Variants in SLCO3A1 observed in about 807,000 individuals in gnomAD.
SLCO3A1 encodes PGE1 transporter.
In SLCO3A1, 27 loss-of-function variants were observed where a neutral mutation model predicts 63.1. That is an observed-to-expected ratio of 0.43 (90% confidence interval 0.32 to 0.59). The LOEUF (loss-of-function observed/expected upper bound fraction) is 0.59. Among genes scored for constraint, SLCO3A1 ranks in the 20% least tolerant of loss-of-function variants. SLCO3A1 has a pLI of 0.09. For missense variants in SLCO3A1, 773 were observed against 945.8 expected (o/e 0.82, Z 2.40); for synonymous variants, 473 against 409.9 (o/e 1.15, Z -1.86).
intron 7 of SLCO3A1, among the ~76,000 whole-genome samples, chr15:92,143,228 CTT>C (rs958236072): frequency 2.8e-5 from 4 of 144,338 alleles, no homozygotes; most frequent in Non-Finnish European, 6.0e-5. Context: ...AGTCCCAAAT[CTT>C]TTTCCTCACA....
chr15:92,014,269 C>T (rs992637498), intron 2 of SLCO3A1, among the ~76,000 whole-genome samples: 10 of 152,106 alleles, frequency 6.6e-5, no homozygotes, highest in African/African-American at 1.4e-4. Flanking sequence ...GGACCACCTG[C>T]GGCTCTTTTA....
chr15:92,139,588 T>C (rs1472443627), intron 7 of SLCO3A1, among the ~76,000 whole-genome samples: 1 of 152,146 alleles, frequency 6.6e-6, no homozygotes, highest in Non-Finnish European at 1.5e-5. Context: ...AGAATTCGGC[T>C]GTGAATCCAT....
chr15:92,163,799 G>GTAAT lies in SLCO3A1; in HGVS notation c.*666_*669dup. ...TAATGGGTGATCCGTGCTGGAGTTT[G>GTAAT]TAATTGGCACCTCTCACCAGCTCCA... is the stretch of plus-strand genomic sequence containing the variant. On this transcript the variant is annotated 3_prime_UTR_variant, in exon 10 of 10. Transcript: ENST00000318445. 1 of 985,478 alleles carries GTAAT rather than the reference G, an allele frequency of 1.0e-6. No individual in the cohort carries two copies. The highest frequency in any genetic ancestry group is 1.2e-6 in the Non-Finnish European group (1 of 830,008). 61.0% of individuals were successfully genotyped at this position (985,478 alleles called of 1,614,324 possible).
chr15:91,916,076 G>C lies in SLCO3A1; in HGVS notation c.264G>C (p.Gly88=), dbSNP rs1388421839. ...TGATCGCTAGCAGCTTCGAGATCGG[G>C]AACCTGGCGCTCATCCTCTTCGTGA... ...VGVIASSFEI[G]NLALILFVSY... Residue 88 remains glycine, a synonymous_variant, in exon 2 of 10, where the codon GGG becomes GGC. Transcript: ENST00000318445. The surrounding 1 kb of genome is among the most constrained non-coding windows in gnomAD (Gnocchi z 6.2). 6.2e-7 allele frequency: 1 copy of C among 1,613,030 alleles called. No homozygotes were observed. Among genetic ancestry groups the C allele is most frequent in the Non-Finnish European group, 8.5e-7 (1 of 1,179,988 alleles).
intron 2 of SLCO3A1, among the ~76,000 whole-genome samples, chr15:92,032,824 T>G (rs12441614): frequency 0.18 from 26,743 of 151,128 alleles, 2,527 homozygotes; most frequent in African/African-American, 0.24. Flanking sequence ...GGAGCATGGT[T>G]GGATTGCCCT....
At chr15:92,077,944 G>C (rs4984329) in intron 2 of SLCO3A1, among the ~76,000 whole-genome samples, 118,767 of 152,038 alleles carry the variant, frequency 0.78, 46,558 homozygotes, top group Admixed American at 0.89. Context: ...GGCTGGTAAT[G>C]TAACTTTTCT....
intron 2 of SLCO3A1, among the ~76,000 whole-genome samples, chr15:91,974,265 G>GTTATTATTATTATTATTATTATTA (rs56317875): frequency 2.4e-4 from 35 of 142,958 alleles, no homozygotes; most frequent in Non-Finnish European, 4.4e-4. Flanking sequence ...TTTCATTATT[G>GTTATTATTATTATTATTATTATTA]TTATTATTAT....
intron 2 of SLCO3A1, among the ~76,000 whole-genome samples, chr15:91,976,684 G>A (rs1901125552): frequency 6.6e-6 from 1 of 152,116 alleles, no homozygotes; most frequent in African/African-American, 2.4e-5. Context: ...AAGGGACAGA[G>A]TACAAAAGAG....
chr15:92,104,525 G>C lies in SLCO3A1; in HGVS notation c.992G>C (p.Cys331Ser). The stretch of plus-strand genomic sequence containing the variant: ...CTGGAGCCAGACAGCAGTGCCTCCT[G>C]TTTCCAGCAGCTGAGAGGTAAAGGT... ...HPLEPDSSAS[C>S]FQQLRVIPKV... Residue 331 changes from cysteine to serine, a missense_variant, in exon 4 of 10, where the codon TGT becomes TCT. Around this residue, in one of 3 missense-constraint regions of SLCO3A1, gnomAD observed 565 missense variants for 749.8 expected, o/e 0.75. Transcript: ENST00000318445. 1 of 1,613,552 alleles carries C rather than the reference G, an allele frequency of 6.2e-7. No individual in the cohort carries two copies. The highest frequency in any genetic ancestry group is 8.5e-7 in the Non-Finnish European group (1 of 1,179,980).
rs544288826 is a variant in SLCO3A1, at chr15:91,897,406, G to A, written c.181-18587G>A. 1.3e-5 allele frequency among the ~76,000 whole-genome samples: 2 copies of A among 152,252 alleles called. No homozygotes were observed. The highest frequency in any genetic ancestry group is 1.3e-4 in the Admixed American group (2 of 15,290). On this transcript the variant is annotated intron_variant, in intron 1 of 9. Transcript: ENST00000318445. This position sits in a 1 kb window ranked among gnomAD's most constrained non-coding sequence, Gnocchi z 4.7. ...GCAGAGGTTGCAGTGAGCCAAGATT[G>A]TGCCACTGCACTCCAGCCTGGGCAA...
In SLCO3A1 at chr15:91,942,753, G is replaced by C. The variant is rs1597142383; in HGVS notation, c.646+26295G>C. 6.6e-6 allele frequency among the ~76,000 whole-genome samples: 1 copy of C among 152,066 alleles called. No homozygotes were observed. Among genetic ancestry groups the C allele is most frequent in the South Asian group, 2.1e-4 (1 of 4,826 alleles). ...CCGGCTAATTTTTGAAAAGAGATGG[G>C]GTTTCTCCATGTTGGCCAGCCTGGT... On this transcript the variant is annotated intron_variant, in intron 2 of 9. Transcript: ENST00000318445. This position sits in a 1 kb window ranked among gnomAD's most constrained non-coding sequence, Gnocchi z 4.1.
In SLCO3A1 at chr15:91,897,792, T is replaced by G. The variant is rs1371699005; in HGVS notation, c.181-18201T>G. ...TAAGGGCAGTGTTGGAACAGACTGT[T>G]CTCTCTATTTTCTGACCTGCTCAGG... is the stretch of plus-strand genomic sequence containing the variant. On this transcript the variant is annotated intron_variant, in intron 1 of 9. Coordinates refer to ENST00000318445, the MANE Select transcript of SLCO3A1 (RefSeq NM_013272.4). The surrounding 1 kb of genome is among the most constrained non-coding windows in gnomAD (Gnocchi z 4.7). Among the ~76,000 whole-genome samples, 1 of 152,074 alleles carries G rather than the reference T, an allele frequency of 6.6e-6. No homozygotes were observed. Among genetic ancestry groups the G allele is most frequent in the Non-Finnish European group, 1.5e-5 (1 of 68,010 alleles).
At chr15:91,952,935 G>T (rs1031746618) in intron 2 of SLCO3A1, among the ~76,000 whole-genome samples, 2 of 152,160 alleles carry the variant, frequency 1.3e-5, no homozygotes, top group Non-Finnish European at 2.9e-5. Context: ...CCTTCACCTT[G>T]GTTGAGGAAG....
intron 2 of SLCO3A1, among the ~76,000 whole-genome samples, chr15:92,002,500 C>G (rs1304243690): frequency 6.6e-6 from 1 of 152,148 alleles, no homozygotes; most frequent in African/African-American, 2.4e-5. Flanking sequence ...TGCTTTTTCT[C>G]TTCTGTTTTA....
In SLCO3A1 at chr15:91,897,182, C is replaced by T. The variant is rs754296149; in HGVS notation, c.181-18811C>T. ...TTTTAAAATAAAGACAGGCTGGATG[C>T]GGTGGTGCACGCCTGTAATCCCAGT... On this transcript the variant is annotated intron_variant, in intron 1 of 9. Transcript: ENST00000318445. This position sits in a 1 kb window ranked among gnomAD's most constrained non-coding sequence, Gnocchi z 4.7. 3.9e-5 allele frequency among the ~76,000 whole-genome samples: 6 copies of T among 152,104 alleles called. No homozygotes were observed. Among genetic ancestry groups the T allele is most frequent in the African/African-American group, 7.2e-5 (3 of 41,412 alleles).
rs976772466 is a variant in SLCO3A1, at chr15:92,025,007, A to G, written c.647-69874A>G. On this transcript the variant is annotated intron_variant, in intron 2 of 9. Coordinates refer to ENST00000318445, the MANE Select transcript of SLCO3A1 (RefSeq NM_013272.4). ...CAACCAGCCAGCCAGCCTTCCATCC[A>G]TCTGTTCATCCATCCATCTGTCTAT... is the stretch of plus-strand genomic sequence containing the variant. 2.0e-5 allele frequency among the ~76,000 whole-genome samples: 3 copies of G among 148,578 alleles called. No homozygotes were observed. In the South Asian group the frequency reaches 6.5e-4, roughly 32 times the overall value.
chr15:92,169,215 G>A (rs370912396), downstream of SLCO3A1, among the ~76,000 whole-genome samples: 339 of 152,298 alleles, frequency 2.2e-3, 3 homozygotes, highest in Non-Finnish European at 3.7e-3. Flanking sequence ...AATGAGACTC[G>A]GAAGGTCCAG....
chr15:92,139,859 TTCTC>T (rs932180835), intron 7 of SLCO3A1, among the ~76,000 whole-genome samples: 1 of 148,960 alleles, frequency 6.7e-6, no homozygotes, highest in Admixed American at 6.7e-5. Context: ...TATTTGATTC[TTCTC>T]TCTTTTTTTC....
intron 2 of SLCO3A1, among the ~76,000 whole-genome samples, chr15:92,012,197 C>T (rs1157041414): frequency 6.6e-6 from 1 of 152,200 alleles, no homozygotes; most frequent in Non-Finnish European, 1.5e-5. Context: ...TCCTTGTTGC[C>T]TCTTACAAAG....
Sources: gnomAD v4.1 joint callset for allele counts (sites outside exome capture counted in the v4.1 genomes callset) on GRCh38, gnomAD v4.1.1 for gene constraint, gnomAD v4.1.1 regional missense constraint, Gnocchi (gnomAD v3.1) non-coding constraint, MANE v1.5 for transcripts, NCBI Gene and HGNC (gene_info 2026-07-23, HGNC 2026-07-21) for gene names.